The following CD93 variants were observed in gnomAD, a reference collection of about 807,000 sequenced individuals.
CD93 encodes CD93 molecule, also known as complement component C1q receptor.
Under a neutral mutation model 45.5 loss-of-function variants are expected in CD93, and 44 were observed. That is an observed-to-expected ratio of 0.97 (90% CI 0.76 to 1.24). The LOEUF (loss-of-function observed/expected upper bound fraction) is 1.24. Ranked by LOEUF, CD93 falls within the 50% of genes most tolerant of loss-of-function variation. The pLI is 0.00. For missense variants in CD93, 918 were observed against 844.5 expected, an observed-to-expected ratio of 1.09 and a Z score of -1.08; for synonymous variants, 431 against 370.8, an observed-to-expected ratio of 1.16 and a Z score of -1.87.
Position 23,085,873 on chromosome 20 carries a change from G to A in CD93, c.320C>T (p.Pro107Leu), listed in dbSNP as rs778960418. ...GCTGAAGCCCTTCAGCGGCAGACTA[G>A]GGTCCAGGCACTTGCCCTTCTCTCG... Reference protein sequence around the residue: ...LQREKGKCLDPSLPLKGFSWV... With the variant: ...LQREKGKCLDLSLPLKGFSWV... Residue 107 changes from proline (P) to leucine (L), a missense_variant, in exon 1 of 2, where the codon CCT becomes CTT. Pro to Leu is a moderately conservative substitution (Grantham distance 98). Transcript: ENST00000246006. 1.2e-4 allele frequency: 152 copies of A among 1,314,520 alleles called. No individual in the cohort carries two copies. Among genetic ancestry groups the A allele is most frequent in the Non-Finnish European group, 1.3e-4 (130 of 987,144 alleles). 81.4% of individuals were successfully genotyped at this position (1,314,520 alleles called of 1,614,324 possible). A position where few individuals can be genotyped will look rare whatever the true frequency, so the allele number is the denominator to read the frequency against.
rs1311737735 is a variant in CD93, at chr20:23,081,266, G to T, written c.*2684C>A. On this transcript the variant is annotated 3_prime_UTR_variant, in exon 2 of 2. Coordinates refer to ENST00000246006, the MANE Select transcript of CD93 (RefSeq NM_012072.4). ...ACTGTGTCTAGCGAGAAGTTAGCAG[G>T]TGGCAGGGTGCACCTCTCCCCATAC... 1 of 152,196 alleles carries T rather than the reference G, an allele frequency of 6.6e-6. No homozygotes were observed. The highest frequency in any genetic ancestry group is 1.5e-5 in the Non-Finnish European group (1 of 68,062). 9.4% of individuals were successfully genotyped at this position (152,196 alleles called of 1,614,324 possible). A position where few individuals can be genotyped will look rare whatever the true frequency, so the allele number is the denominator to read the frequency against.
In CD93 at chr20:23,083,783, G is replaced by T. The variant is rs2122705561; in HGVS notation, c.*167C>A. 2.9e-6 allele frequency: 2 copies of T among 684,698 alleles called. No individual in the cohort carries two copies. Among genetic ancestry groups the T allele is most frequent in the East Asian group, 5.4e-5 (2 of 37,324 alleles). 42.4% of individuals were successfully genotyped at this position (684,698 alleles called of 1,614,324 possible). A position where few individuals can be genotyped will look rare whatever the true frequency, so the allele number is the denominator to read the frequency against. On this transcript the variant is annotated 3_prime_UTR_variant, in exon 2 of 2. Coordinates refer to ENST00000246006, the MANE Select transcript of CD93 (RefSeq NM_012072.4). ...ACTTCAGGAACATCAAACACCCGTA[G>T]AAAATACCTGCATGTTCCAAGGGGC...
Position 23,084,878 on chromosome 20 carries a change from A to G in CD93, c.1315T>C (p.Cys439Arg). ...TGTGTGTTGAAGCACAAGCTGTCGC[A>G]GAGGGGGCCCCCCGGGCCCACACAC... ...DECVGPGGPL[C>R]DSLCFNTQGS... is the part of the protein sequence containing the mutation. Residue 439 changes from cysteine to arginine, a missense_variant, in exon 1 of 2, where the codon TGC becomes CGC. Physicochemically the swap from Cys to Arg is radical, Grantham distance 180. Coordinates refer to ENST00000246006, the MANE Select transcript of CD93 (RefSeq NM_012072.4). 6.2e-7 allele frequency: 1 copy of G among 1,613,134 alleles called. No individual in the cohort carries two copies. The highest frequency in any genetic ancestry group is 1.1e-5 in the South Asian group (1 of 91,052).
Position 23,085,167 on chromosome 20 carries a change from G to A in CD93, c.1026C>T (p.Asp342=). ...CCTGGCATTCATCCACGTCCACACA[G>A]TCCAGCTGACTCGAGTCCAGCTGGT... ...QGYQLDSSQL[D]CVDVDECQDS... is the part of the protein sequence containing the mutation. The change falls in exon 1 of 2, where the codon GAC becomes GAT. Residue 342 remains aspartate (D), a synonymous_variant. Coordinates refer to ENST00000246006, the MANE Select transcript of CD93 (RefSeq NM_012072.4). The A allele has an allele frequency of 6.3e-7, 1 of 1,585,542 alleles. No homozygotes were observed. Among genetic ancestry groups the A allele is most frequent in the Non-Finnish European group, 8.6e-7 (1 of 1,164,952 alleles).
chr20:23,085,629 G>T lies in CD93; in HGVS notation c.564C>A (p.Cys188Ter), dbSNP rs1181733595. The T allele has an allele frequency of 3.1e-6, 5 of 1,612,764 alleles. No homozygotes were observed. Among genetic ancestry groups the T allele is most frequent in the Non-Finnish European group, 4.2e-6 (5 of 1,179,800 alleles). ...FVCKFSFKGM[C>*]RPLALGGPGQ... ...CTGGGCCCCCCAGGGCCAGAGGCCG[G>T]CACATGCCTTTGAAGCTGAACTTGC... Residue 188 changes from cysteine (C) to a stop codon, truncating the protein, a stop_gained, in exon 1 of 2, where the codon TGC becomes TGA. Transcript: ENST00000246006. LOFTEE classifies it high-confidence loss of function.
In CD93 at chr20:23,085,272, G is replaced by A. The variant is rs999673761; in HGVS notation, c.921C>T (p.Ser307=). ...LVTCASRNPC[S]SSPCRGGATC... ...TGGCCCCCCCACGACATGGGCTGGA[G>A]CTGCAAGGGTTTCGAGAGGCACAGG... is the stretch of plus-strand genomic sequence containing the variant. Residue 307 remains serine, a synonymous_variant, in exon 1 of 2, where the codon AGC becomes AGT. Transcript: ENST00000246006. 1 of 1,613,862 alleles carries A rather than the reference G, an allele frequency of 6.2e-7. No individual in the cohort carries two copies. The highest frequency in any genetic ancestry group is 1.7e-5 in the Admixed American group (1 of 60,022).
Position 23,081,188 on chromosome 20 carries a change from G to C in CD93, c.*2762C>G, listed in dbSNP as rs41282280. On this transcript the variant is annotated 3_prime_UTR_variant, in exon 2 of 2. Transcript: ENST00000246006. ...CCATCTCCAAGTGAAAACTTCCCCC[G>C]TCCCCATGGCCCTGGCTTGTTCTGC... 1 of 152,074 alleles carries C rather than the reference G, an allele frequency of 6.6e-6. No individual in the cohort carries two copies. The highest frequency in any genetic ancestry group is 1.5e-5 in the Non-Finnish European group (1 of 68,026). 9.4% of individuals were successfully genotyped at this position (152,074 alleles called of 1,614,324 possible).
Position 23,085,684 on chromosome 20 carries a change from G to A in CD93, c.509C>T (p.Ser170Phe), listed in dbSNP as rs1418770351. ...WSEGPCGSPGSPGSNIEGFVC... is the reference protein window; with the variant it reads ...WSEGPCGSPGFPGSNIEGFVC... ...GAAGCCCTCAATGTTACTTCCGGGG[G>A]AGCCTGGGCTCCCACAGGGGCCCTC... is the stretch of plus-strand genomic sequence containing the variant. Residue 170 changes from serine (S) to phenylalanine (F), a missense_variant, in exon 1 of 2, where the codon TCC becomes TTC. Physicochemically the swap from Ser to Phe is radical, Grantham distance 155 (BLOSUM62 -2). Coordinates refer to ENST00000246006, the MANE Select transcript of CD93 (RefSeq NM_012072.4). 1 of 1,610,708 alleles carries A rather than the reference G, an allele frequency of 6.2e-7. No homozygotes were observed. The highest frequency in any genetic ancestry group is 8.5e-7 in the Non-Finnish European group (1 of 1,179,292).
Position 23,085,413 on chromosome 20 carries a change from G to A in CD93, c.780C>T (p.Pro260=). The A allele has an allele frequency of 6.2e-7, 1 of 1,613,804 alleles. No individual in the cohort carries two copies. Among genetic ancestry groups the A allele is most frequent in the Non-Finnish European group, 8.5e-7 (1 of 1,179,972 alleles). ...WGSSGPLCVS[P]KYGCNFNNGG... The stretch of plus-strand genomic sequence containing the variant: ...CATTGTTGAAGTTGCAGCCATACTT[G>A]GGGCTGACACAGAGGGGGCCCGAGC... The change falls in exon 1 of 2, where the codon CCC becomes CCT. Residue 260 remains proline, a synonymous_variant. Transcript: ENST00000246006.
rs1985444939 is a variant in CD93, at chr20:23,085,022, G to T, written c.1171C>A (p.Leu391Met). Reference sequence around the variant, plus strand: ...CCCTGGGCGCAAGGCGAGCGACCCAGAGCACACTCATCCACATCCTGACAG... The same window carrying T: ...CCCTGGGCGCAAGGCGAGCGACCCATAGCACACTCATCCACATCCTGACAG... ...GACQDVDECA[L>M]GRSPCAQGCT... Residue 391 changes from leucine to methionine, a missense_variant, in exon 1 of 2, where the codon CTG (leucine) becomes ATG (methionine). Leu to Met is a conservative substitution (Grantham distance 15). Transcript: ENST00000246006. 3 of 1,613,876 alleles carry T rather than the reference G, an allele frequency of 1.9e-6. No homozygotes were observed. Among genetic ancestry groups the T allele is most frequent in the African/African-American group, 2.7e-5 (2 of 74,916 alleles).
In CD93 at chr20:23,081,651, C is replaced by T. The variant is rs1232592089; in HGVS notation, c.*2299G>A. 1.3e-5 allele frequency: 2 copies of T among 152,192 alleles called. No homozygotes were observed. The highest frequency in any genetic ancestry group is 2.9e-5 in the Non-Finnish European group (2 of 68,054). 9.4% of individuals were successfully genotyped at this position (152,192 alleles called of 1,614,324 possible). A position where few individuals can be genotyped will look rare whatever the true frequency, so the allele number is the denominator to read the frequency against. On this transcript the variant is annotated 3_prime_UTR_variant, in exon 2 of 2. Coordinates refer to ENST00000246006, the MANE Select transcript of CD93 (RefSeq NM_012072.4). ...CTGGATTCTTTATCACCCATTTCTC[C>T]CCTTGTGGGTTCCACAGAGGGGTTC...
At position 23,085,100 on chromosome 20, in the gene CD93, A is replaced by C; in HGVS notation, c.1093T>G (p.Phe365Val). Residue 365 changes from phenylalanine to valine, a missense_variant, in exon 1 of 2, where the codon TTC (phenylalanine) becomes GTC (valine). Transcript: ENST00000246006. ...AQECVNTPGG[F>V]RCECWVGYEP... ...TAGCCAACCCAGCATTCGCAGCGGAAGCCCCCAGGGGTGTTGACACACTCC... is the reference window on the plus strand; with the variant it reads ...TAGCCAACCCAGCATTCGCAGCGGACGCCCCCAGGGGTGTTGACACACTCC... 1 of 1,605,434 alleles carries C rather than the reference A, an allele frequency of 6.2e-7. No homozygotes were observed.
rs1045461193 is a variant in CD93 at position 23,086,168 on chromosome 20, G to A, written c.25C>T (p.Leu9=). Residue 9 remains leucine, a synonymous_variant, in exon 1 of 2, where the codon CTG becomes TTG. Coordinates refer to ENST00000246006, the MANE Select transcript of CD93 (RefSeq NM_012072.4). The stretch of plus-strand genomic sequence containing the variant: ...TGGGTCAGGAGCAGCAGCAGCAGCA[G>A]CAGCAGGCCCATGGAGGTGGCCATC... MATSMGLL[L]LLLLLLTQPG... 2.6e-6 allele frequency: 4 copies of A among 1,553,426 alleles called. No homozygotes were observed. The highest frequency in any genetic ancestry group is 2.6e-6 in the Non-Finnish European group (3 of 1,156,172).
At position 23,085,789 on chromosome 20, in the gene CD93, G is replaced by A. The variant is rs1311096010; in HGVS notation, c.404C>T (p.Ser135Leu). 2 of 1,611,526 alleles carry A rather than the reference G, an allele frequency of 1.2e-6. No homozygotes were observed. Among genetic ancestry groups the A allele is most frequent in the South Asian group, 1.1e-5 (1 of 91,020 alleles). Reference sequence around the variant, plus strand: ...AGACACACAGCGCTTGGAGATGCACGAGTTCCGGAGCTCCTTGTGCCAGTT... The same window carrying A: ...AGACACACAGCGCTTGGAGATGCACAAGTTCCGGAGCTCCTTGTGCCAGTT... Reference protein sequence around the residue: ...YSNWHKELRNSCISKRCVSLL... With the variant: ...YSNWHKELRNLCISKRCVSLL... Residue 135 changes from serine to leucine, a missense_variant, in exon 1 of 2, where the codon TCG becomes TTG. Transcript: ENST00000246006.
Position 23,085,319 on chromosome 20 carries a change from G to A in CD93, c.874C>T (p.Arg292Trp), listed in dbSNP as rs779569738. 17 of 1,613,866 alleles carry A rather than the reference G, an allele frequency of 1.1e-5. No homozygotes were observed. Among genetic ancestry groups the A allele is most frequent in the South Asian group, 9.9e-5 (9 of 91,090 alleles). ...SFLCGCRPGF[R>W]LLDDLVTCAS... ...CAGGTCACCAGGTCATCCAGCAGCC[G>A]GAATCCTGGTCGGCAGCCGCAGAGG... The change falls in exon 1 of 2, where the codon CGG (arginine) becomes TGG (tryptophan). Residue 292 changes from arginine (R) to tryptophan (W), a missense_variant. By Grantham distance (101) the Arg-to-Trp change is moderately radical (BLOSUM62 -3). Coordinates refer to ENST00000246006, the MANE Select transcript of CD93 (RefSeq NM_012072.4).
chr20:23,079,814 C>T lies in CD93; in HGVS notation c.*4136G>A, dbSNP rs147222742. 1.2e-4 allele frequency: 18 copies of T among 151,822 alleles called. No homozygotes were observed. The highest frequency in any genetic ancestry group is 2.4e-4 in the Non-Finnish European group (16 of 68,022). The allele number at this position is 151,822 out of a possible 1,614,324, so 9.4% of individuals were successfully genotyped here. A position where few individuals can be genotyped will look rare whatever the true frequency, so the allele number is the denominator to read the frequency against. On this transcript the variant is annotated 3_prime_UTR_variant, in exon 2 of 2. Transcript: ENST00000246006. Reference sequence around the variant, plus strand: ...ACAGCACAATAAAGGGATTCCAGAGCTTCTACCTAAAATAGAAGGGCATTA... The same window carrying T: ...ACAGCACAATAAAGGGATTCCAGAGTTTCTACCTAAAATAGAAGGGCATTA...
In CD93 at chr20:23,084,600, T is replaced by C; in HGVS notation, c.1593A>G (p.Pro531=). The change falls in exon 1 of 2, where the codon CCA becomes CCG. Residue 531 remains proline, a synonymous_variant. Coordinates refer to ENST00000246006, the MANE Select transcript of CD93 (RefSeq NM_012072.4). The part of the protein sequence containing the change: ...LSSDAPITSA[P]LKMLAPSGSP... ...ACCCACTGGGGGCCAGCATCTTGAG[T>C]GGGGCAGATGTGATGGGGGCGTCAG... is the stretch of plus-strand genomic sequence containing the variant. 1 of 1,611,472 alleles carries C rather than the reference T, an allele frequency of 6.2e-7. No individual in the cohort carries two copies. The highest frequency in any genetic ancestry group is 8.5e-7 in the Non-Finnish European group (1 of 1,178,568).
chr20:23,084,744 C>T lies in CD93; in HGVS notation c.1449G>A (p.Glu483=). ...TCCCTTCTTTCTCTCCTTTGTCCTC[C>T]TCATCGGGGGGCCCAGATGGTGGTC... is the stretch of plus-strand genomic sequence containing the variant. ...SLGPPSGPPD[E]EDKGEKEGST... The change falls in exon 1 of 2, where the codon GAG becomes GAA. Residue 483 remains glutamate, a synonymous_variant. Transcript: ENST00000246006. The T allele has an allele frequency of 6.2e-7, 1 of 1,608,224 alleles. No homozygotes were observed. The highest frequency in any genetic ancestry group is 8.5e-7 in the Non-Finnish European group (1 of 1,177,780).
Position 23,086,248 on chromosome 20 carries a change from T to A in CD93, c.-56A>T, listed in dbSNP as rs994861087. The A allele has an allele frequency of 1.4e-6, 2 of 1,455,970 alleles. No homozygotes were observed. Among genetic ancestry groups the A allele is most frequent in the Non-Finnish European group, 1.8e-6 (2 of 1,107,690 alleles). 90.2% of individuals were successfully genotyped at this position (1,455,970 alleles called of 1,614,324 possible). On this transcript the variant is annotated 5_prime_UTR_variant, in exon 1 of 2. The change creates a new upstream start codon in the 5' untranslated region. Coordinates refer to ENST00000246006, the MANE Select transcript of CD93 (RefSeq NM_012072.4). The stretch of plus-strand genomic sequence containing the variant: ...CGAGAAGCCCAGCGGCGACAGGAGC[T>A]TCTATCTCGGCTCCCAGCTGGGCCC...
Sources: gnomAD v4.1 joint callset for allele counts on GRCh38, gnomAD v4.1.1 for gene constraint, MANE v1.5 for transcripts, NCBI Gene and HGNC (gene_info 2026-07-23, HGNC 2026-07-21) for gene names.